Variants in FAM83B observed in about 807,000 individuals in gnomAD.
The protein encoded by FAM83B is scaffolding CK1 anchoring protein B.
Under a neutral mutation model 38.8 loss-of-function variants are expected in FAM83B, and 26 were observed. The observed-to-expected ratio is 0.67, with a 90% CI of 0.49 to 0.93. The LOEUF is 0.93. Among genes scored for constraint, FAM83B ranks in the 40% least tolerant of loss-of-function variants. The pLI, the probability that FAM83B is intolerant of heterozygous loss-of-function variation, is 0.00. For missense variants in FAM83B, 1,237 were observed against 1,197.3 expected (o/e 1.03, Z -0.49); for synonymous variants, 419 against 423.1 (o/e 0.99, Z 0.12).
At position 54,900,143 on chromosome 6, in the gene FAM83B, G is replaced by C. The variant is rs764729997; in HGVS notation, c.445-26228G>C. ...TTTTTGTTGTACATTCATTTCTGTA[G>C]CACATATAACCTTAATGGTGGGGCT... is the stretch of plus-strand genomic sequence containing the variant. On this transcript the variant is annotated intron_variant, in intron 2 of 4. Transcript: ENST00000306858. Among the ~76,000 whole-genome samples the C allele has an allele frequency of 2.4e-4, 36 of 152,216 alleles. 1 individual carries two copies. Among genetic ancestry groups the C allele is most frequent in the Admixed American group, 4.6e-4 (7 of 15,282 alleles).
intron 1 of FAM83B, among the ~76,000 whole-genome samples, chr6:54,851,308 T>TCA (rs1395257144): frequency 6.6e-6 from 1 of 152,032 alleles, no homozygotes; most frequent in Non-Finnish European, 1.5e-5. Flanking sequence ...GTTTTTCTCT[T>TCA]CACTTACCTT....
intron 2 of FAM83B, among the ~76,000 whole-genome samples, chr6:54,887,585 T>A (rs1049377048): frequency 4.6e-5 from 7 of 152,110 alleles, no homozygotes; most frequent in Admixed American, 4.6e-4. Context: ...TTATTACTAA[T>A]TGTAATTATT....
rs1215214153 is a variant in FAM83B at position 54,939,882 on chromosome 6, G to A, written c.911G>A (p.Gly304Asp). 6.2e-7 allele frequency: 1 copy of A among 1,613,858 alleles called. No homozygotes were observed. The highest frequency in any genetic ancestry group is 1.3e-5 in the African/African-American group (1 of 74,866). ...VKHGKALWEN[G>D]TYQHSVSSLA... Reference sequence around the variant, plus strand: ...CATGGAAAAGCCCTCTGGGAAAATGGCACTTACCAGCATTCGGTGTCTTCA... The same window carrying A: ...CATGGAAAAGCCCTCTGGGAAAATGACACTTACCAGCATTCGGTGTCTTCA... Residue 304 changes from glycine to aspartate, a missense_variant, in exon 5 of 5, where the codon GGC becomes GAC. Coordinates refer to ENST00000306858, the MANE Select transcript of FAM83B (RefSeq NM_001010872.3).
intron 1 of FAM83B, among the ~76,000 whole-genome samples, chr6:54,848,535 G>A (rs536407174): frequency 6.6e-6 from 1 of 152,236 alleles, no homozygotes; most frequent in African/African-American, 2.4e-5. Context: ...AGTTTATGAC[G>A]CTAACTGGCT....
chr6:54,916,041 C>T (rs568553655), intron 2 of FAM83B, among the ~76,000 whole-genome samples: 73 of 152,106 alleles, frequency 4.8e-4, no homozygotes, highest in Non-Finnish European at 9.4e-4. Context: ...TTATCGCCAT[C>T]TCTTTCTTAG....
intron 2 of FAM83B, among the ~76,000 whole-genome samples, chr6:54,883,104 AT>A (rs796593799): frequency 3.3e-5 from 5 of 151,552 alleles, no homozygotes; most frequent in African/African-American, 9.7e-5. Flanking sequence ...CGCCCGGCTA[AT>A]TTTTTTGTTT....
chr6:54,870,473 C>T lies in FAM83B; in HGVS notation c.227C>T (p.Ala76Val). ...KNVQKVAQST[A>V]HGTDDSCDDT... ...GTCCAGAAAGTTGCACAAAGCACAG[C>T]ACATGGTACTGATGATTCCTGTGAT... The change falls in exon 2 of 5, where the codon GCA (alanine) becomes GTA (valine). Residue 76 changes from alanine (A) to valine (V), a missense_variant. Transcript: ENST00000306858. 4 of 1,613,936 alleles carry T rather than the reference C, an allele frequency of 2.5e-6. No homozygotes were observed. The highest frequency in any genetic ancestry group is 3.4e-6 in the Non-Finnish European group (4 of 1,179,928).
At chr6:54,878,263 A>G (rs1316580876) in intron 2 of FAM83B, among the ~76,000 whole-genome samples, 1 of 152,180 alleles carries the variant, frequency 6.6e-6, no homozygotes, top group Non-Finnish European at 1.5e-5. Context: ...CCAATGATGT[A>G]TCAGATACTA....
intron 2 of FAM83B, among the ~76,000 whole-genome samples, chr6:54,874,964 C>T (rs1771956924): frequency 6.6e-6 from 1 of 151,998 alleles, no homozygotes; most frequent in Admixed American, 6.6e-5. Context: ...CAGTTGGCCC[C>T]ACAGATGCAA....
intron 2 of FAM83B, among the ~76,000 whole-genome samples, chr6:54,919,905 G>A (rs1466411397): frequency 1.3e-5 from 2 of 151,950 alleles, no homozygotes; most frequent in African/African-American, 4.8e-5. Flanking sequence ...ATTTAGAGGT[G>A]TGTGAGACTC....
At chr6:54,872,297 A>G (rs1191787837) in intron 2 of FAM83B, among the ~76,000 whole-genome samples, 2 of 152,172 alleles carry the variant, frequency 1.3e-5, no homozygotes, top group Non-Finnish European at 2.9e-5. Context: ...AAACAGCGCT[A>G]TCTTAGGCCT....
At chr6:54,930,371 C>T (rs1206738078) in intron 4 of FAM83B, among the ~76,000 whole-genome samples, 1 of 152,104 alleles carries the variant, frequency 6.6e-6, no homozygotes, top group Non-Finnish European at 1.5e-5. Context: ...CCATCTATGA[C>T]ATCCCATCTG....
intron 2 of FAM83B, among the ~76,000 whole-genome samples, chr6:54,895,526 T>C (rs1179739371): frequency 1.3e-5 from 2 of 152,222 alleles, no homozygotes; most frequent in African/African-American, 4.8e-5. Flanking sequence ...ACAAGCAATA[T>C]CTATTCAAAC....
chr6:54,911,009 G>A (rs2127584486), intron 2 of FAM83B, among the ~76,000 whole-genome samples: 1 of 152,072 alleles, frequency 6.6e-6, no homozygotes, highest in East Asian at 1.9e-4. Context: ...ATACCAAGAT[G>A]AAAGGAAAAG....
chr6:54,905,812 CATA>C (rs35109957), intron 2 of FAM83B, among the ~76,000 whole-genome samples: 44,293 of 151,618 alleles, frequency 0.29, 8,334 homozygotes, highest in East Asian at 0.8. Context: ...TGATCACAAT[CATA>C]ATATAAAGGA....
chr6:54,900,230 C>A (rs1201318106), intron 2 of FAM83B, among the ~76,000 whole-genome samples: 1 of 152,082 alleles, frequency 6.6e-6, no homozygotes, highest in Admixed American at 6.6e-5. Flanking sequence ...AACAAAGAAC[C>A]AATCTATTTT....
chr6:54,887,332 C>T (rs1036359500), intron 2 of FAM83B, among the ~76,000 whole-genome samples: 1 of 152,122 alleles, frequency 6.6e-6, no homozygotes, highest in African/African-American at 2.4e-5. Context: ...GCTGACTTTT[C>T]CTAATGCTGT....
intron 1 of FAM83B, among the ~76,000 whole-genome samples, chr6:54,859,510 A>C (rs1236143849): frequency 6.6e-6 from 1 of 152,210 alleles, no homozygotes; most frequent in Non-Finnish European, 1.5e-5. Flanking sequence ...AATTGTACTA[A>C]ACAGACATAA....
chr6:54,862,878 CA>C (rs1226414167), intron 1 of FAM83B, among the ~76,000 whole-genome samples: 3 of 150,078 alleles, frequency 2.0e-5, no homozygotes, highest in Non-Finnish European at 3.0e-5. Flanking sequence ...AACCCCCCCC[CA>C]AAAAAACCAC....
Sources: allele counts gnomAD v4.1 joint callset (sites outside exome capture counted in the v4.1 genomes callset), GRCh38; gene constraint gnomAD v4.1.1; transcripts MANE v1.5; gene names NCBI Gene and HGNC (gene_info 2026-07-23, HGNC 2026-07-21).